The following ZC3H4 variants were observed in gnomAD, a reference collection of about 807,000 sequenced individuals.
ZC3H4 encodes zinc finger CCCH-type containing 4.
A neutral mutation model predicts 108.3 loss-of-function variants in ZC3H4; 13 were observed. That is an observed-to-expected ratio of 0.12 (90% CI 0.08 to 0.19). ZC3H4 has a LOEUF of 0.19. Ranked by LOEUF, ZC3H4 falls within the 10% of genes least tolerant of loss-of-function variation. ZC3H4 has a pLI of 1.00. For synonymous variants in ZC3H4, 917 were observed against 749.6 expected (o/e 1.22, Z -3.65); for missense variants, 1,734 against 1,838.8 (o/e 0.94, Z 1.04).
rs1002558330 is a variant in ZC3H4 at position 47,066,229 on chromosome 19, CAAAAGAAAAAG to C, written c.*116_*126del. ...AAAAAAAAATAAAAGAGACGGAAAG[CAAAAGAAAAAG>C]AAAAGAAAAAAGGAACACCCAGCCT... On this transcript the variant is annotated 3_prime_UTR_variant, in exon 15 of 15. Coordinates refer to ENST00000253048, the MANE Select transcript of ZC3H4 (RefSeq NM_015168.2). 1 of 698,636 alleles carries C rather than the reference CAAAAGAAAAAG, an allele frequency of 1.4e-6. No individual in the cohort carries two copies. The highest frequency in any genetic ancestry group is 2.2e-6 in the Non-Finnish European group (1 of 458,248). The allele number at this position is 698,636 out of a possible 1,614,324, so 43.3% of individuals were successfully genotyped here. A position where few individuals can be genotyped will look rare whatever the true frequency, so the allele number is the denominator to read the frequency against.
chr19:47,081,589 C>G lies in ZC3H4; in HGVS notation c.1364G>C (p.Gly455Ala), dbSNP rs771984024. The G allele has an allele frequency of 6.2e-7, 1 of 1,614,090 alleles. No individual in the cohort carries two copies. Among genetic ancestry groups the G allele is most frequent in the Non-Finnish European group, 8.5e-7 (1 of 1,180,044 alleles). The change falls in exon 11 of 15, where the codon GGG (glycine) becomes GCG (alanine). Residue 455 changes from glycine to alanine, a missense_variant. Around this residue, in one of 9 missense-constraint regions of ZC3H4, gnomAD observed 66 missense variants for 166.8 expected, o/e 0.40. Transcript: ENST00000253048. ...GCAGTCGTCACCATTGATGCAGTTC[C>G]CAGTGGTGTGGTACAGCTTACACGG... Reference protein sequence around the residue: ...DFPCKLYHTTGNCINGDDCMF... With the variant: ...DFPCKLYHTTANCINGDDCMF...
intron 4 of ZC3H4, 104 bp from the exon 5 acceptor site, chr19:47,090,293 G>A (rs1600076571): frequency 1.6e-6 from 2 of 1,251,666 alleles, no homozygotes; most frequent in East Asian, 4.9e-5. Flanking sequence ...CTGTCTGGGT[G>A]TCACTACTGT....
chr19:47,073,710 C>T (rs2057369019), intron 11 of ZC3H4, among the ~76,000 whole-genome samples: 1 of 152,218 alleles, frequency 6.6e-6, no homozygotes, highest in Non-Finnish European at 1.5e-5. Flanking sequence ...AGCAATCGCT[C>T]CCCACCCTCT....
At chr19:47,107,529 G>A (rs996429153) in intron 2 of ZC3H4, among the ~76,000 whole-genome samples, 4 of 152,010 alleles carry the variant, frequency 2.6e-5, no homozygotes, top group Non-Finnish European at 5.9e-5. Flanking sequence ...GACAAACAGG[G>A]CACTGAGTCA....
chr19:47,109,490 A>G (rs2058009315), intron 2 of ZC3H4, among the ~76,000 whole-genome samples: 1 of 152,196 alleles, frequency 6.6e-6, no homozygotes, highest in African/African-American at 2.4e-5. Context: ...AGAATTTTAC[A>G]AAGGATGGGA....
rs761077067 is a variant in ZC3H4 at position 47,082,185 on chromosome 19, G to A, written c.1329C>T (p.His443=). ...CARAENCPYM[H]GDFPCKLYHT... Reference sequence around the variant, plus strand: ...CCAGATGCTGGCACTAAAGGATATCGTGCATATAAGGGCAGTTCTCAGCTC... The same window carrying A: ...CCAGATGCTGGCACTAAAGGATATCATGCATATAAGGGCAGTTCTCAGCTC... Residue 443 remains histidine, a splice_region_variant and synonymous_variant, in exon 10 of 15, where the codon CAC becomes CAT. Coordinates refer to ENST00000253048, the MANE Select transcript of ZC3H4 (RefSeq NM_015168.2). 29 of 1,612,814 alleles carry A rather than the reference G, an allele frequency of 1.8e-5. No homozygotes were observed. Among genetic ancestry groups the A allele is most frequent in the South Asian group, 6.6e-5 (6 of 91,048 alleles).
intron 4 of ZC3H4, 94 bp downstream of exon 4, chr19:47,093,876 C>A: frequency 8.9e-7 from 1 of 1,124,778 alleles, no homozygotes; most frequent in Non-Finnish European, 1.3e-6. Flanking sequence ...CTGAAACTCA[C>A]AAAAAATGCC....
At chr19:47,078,960 A>G (rs935526103) in intron 11 of ZC3H4, among the ~76,000 whole-genome samples, 1 of 146,616 alleles carries the variant, frequency 6.8e-6, no homozygotes, top group African/African-American at 2.5e-5. Flanking sequence ...CCAGAAGGCG[A>G]AGGTTGCGGT....
rs766356116 is a variant in ZC3H4 at position 47,066,643 on chromosome 19, C to T, written c.3625G>A (p.Gly1209Ser). The change falls in exon 15 of 15, where the codon GGC (glycine) becomes AGC (serine). Residue 1209 changes from glycine to serine, a missense_variant. Gly to Ser is a moderately conservative substitution (Grantham distance 56, BLOSUM62 0). This residue lies in a region of ZC3H4 where 518 missense variants were observed against 499.6 expected (regional missense o/e 1.04). Transcript: ENST00000253048. ...CTGTTGTATCTGTCCGTGGGGGTGC[C>T]CCCATCAGCACCGGCCTTCCCTGTC... ...PETGKAGADGGTPTDRYNSYN... is the reference protein window; with the variant it reads ...PETGKAGADGSTPTDRYNSYN... 1.1e-5 allele frequency: 17 copies of T among 1,611,846 alleles called. No individual in the cohort carries two copies. The highest frequency in any genetic ancestry group is 1.3e-5 in the Non-Finnish European group (15 of 1,179,668).
chr19:47,064,557 T>G lies in ZC3H4; in HGVS notation c.*1799A>C, dbSNP rs2057169826. 1 of 152,396 alleles carries G rather than the reference T, an allele frequency of 6.6e-6. No individual in the cohort carries two copies. The highest frequency in any genetic ancestry group is 1.5e-5 in the Non-Finnish European group (1 of 68,016). 9.4% of individuals were successfully genotyped at this position (152,396 alleles called of 1,614,324 possible). ...CACAGATTTCGGTTTAAAAAATATT[T>G]TTCTTTTACAAAAGAAAATTCTCAA... On this transcript the variant is annotated 3_prime_UTR_variant, in exon 15 of 15. Coordinates refer to ENST00000253048, the MANE Select transcript of ZC3H4 (RefSeq NM_015168.2).
At chr19:47,095,619 G>A (rs1347102508) in intron 2 of ZC3H4, among the ~76,000 whole-genome samples, 2 of 152,128 alleles carry the variant, frequency 1.3e-5, no homozygotes, top group Non-Finnish European at 2.9e-5. Flanking sequence ...TGGACATTCT[G>A]CATATGTAAA....
Position 47,067,648 on chromosome 19 carries a change from C to A in ZC3H4, c.2620G>T (p.Val874Leu). 6.2e-7 allele frequency: 1 copy of A among 1,604,020 alleles called. No individual in the cohort carries two copies. The highest frequency in any genetic ancestry group is 8.5e-7 in the Non-Finnish European group (1 of 1,177,182). Residue 874 changes from valine to leucine, a missense_variant, in exon 15 of 15, where the codon GTG becomes TTG. By Grantham distance (32) the Val-to-Leu change is conservative. Around this residue, in one of 9 missense-constraint regions of ZC3H4, gnomAD observed 540 missense variants for 484.1 expected, o/e 1.12. Transcript: ENST00000253048. The surrounding 1 kb of genome is among the most constrained non-coding windows in gnomAD (Gnocchi z 6.4). ...LSRDPRLTRH[V>L]EASGGSGPGD... is the part of the protein sequence containing the mutation. ...GGGCCAGACCCGCCAGAAGCCTCCA[C>A]ATGGCGGGTGAGTCTGGGGTCCCGG...
chr19:47,075,618 A>G (rs2057405894), intron 11 of ZC3H4, among the ~76,000 whole-genome samples: 1 of 151,930 alleles, frequency 6.6e-6, no homozygotes, highest in African/African-American at 2.4e-5. Context: ...GCGCACACAC[A>G]CATACACACA....
chr19:47,104,843 T>C (rs1022195845), intron 2 of ZC3H4, among the ~76,000 whole-genome samples: 34 of 152,352 alleles, frequency 2.2e-4, no homozygotes, highest in African/African-American at 7.9e-4. Context: ...CCAAGCCACC[T>C]GCAACAGACT....
chr19:47,100,331 T>C (rs2057886686), intron 2 of ZC3H4, among the ~76,000 whole-genome samples: 1 of 152,144 alleles, frequency 6.6e-6, no homozygotes, highest in Non-Finnish European at 1.5e-5. Flanking sequence ...ACTACCTAGG[T>C]TCATCAACCA....
At chr19:47,094,118 C>A (rs1299329837) in intron 3 of ZC3H4, 38 bp from the exon 4 acceptor site, 1 of 1,588,774 alleles carries the variant, frequency 6.3e-7, no homozygotes, top group Non-Finnish European at 8.6e-7. Flanking sequence ...CAACCTGCCA[C>A]AGGCAGGCCA....
chr19:47,064,911 G>A lies in ZC3H4; in HGVS notation c.*1445C>T, dbSNP rs1197839015. ...CACCCCACCCTGAGGAGGAGGGAAGGGGAATCCCTTGGCAGGTAACTAGGT... is the reference window on the plus strand; with the variant it reads ...CACCCCACCCTGAGGAGGAGGGAAGAGGAATCCCTTGGCAGGTAACTAGGT... On this transcript the variant is annotated 3_prime_UTR_variant, in exon 15 of 15. Coordinates refer to ENST00000253048, the MANE Select transcript of ZC3H4 (RefSeq NM_015168.2). The A allele has an allele frequency of 6.6e-6, 1 of 152,096 alleles. No homozygotes were observed. The highest frequency in any genetic ancestry group is 2.4e-5 in the African/African-American group (1 of 41,396). The allele number at this position is 152,096 out of a possible 1,614,324, so 9.4% of individuals were successfully genotyped here.
At position 47,081,565 on chromosome 19, in the gene ZC3H4, C is replaced by T; in HGVS notation, c.1388G>A (p.Cys463Tyr). Residue 463 changes from cysteine (C) to tyrosine (Y), a missense_variant, in exon 11 of 15, where the codon TGC becomes TAC. Physicochemically the swap from Cys to Tyr is radical, Grantham distance 194 (BLOSUM62 -2). Around this residue, in one of 9 missense-constraint regions of ZC3H4, gnomAD observed 66 missense variants for 166.8 expected, o/e 0.40. Transcript: ENST00000253048. ...TTGNCINGDDCMFSHDPLTEE... is the reference protein window; with the variant it reads ...TTGNCINGDDYMFSHDPLTEE... Reference sequence around the variant, plus strand: ...GGTCAGAGGGTCGTGGGAAAACATGCAGTCGTCACCATTGATGCAGTTCCC... The same window carrying T: ...GGTCAGAGGGTCGTGGGAAAACATGTAGTCGTCACCATTGATGCAGTTCCC... The T allele has an allele frequency of 6.2e-7, 1 of 1,614,218 alleles. No homozygotes were observed. The highest frequency in any genetic ancestry group is 2.2e-5 in the East Asian group (1 of 44,886).
chr19:47,112,951 G>T (rs1600126833), intron 1 of ZC3H4, among the ~76,000 whole-genome samples: 2 of 152,196 alleles, frequency 1.3e-5, no homozygotes, highest in Admixed American at 6.5e-5. Flanking sequence ...GAAGGGTAAG[G>T]GGAGAAGAGG....
Sources: gnomAD v4.1 joint callset for allele counts (sites outside exome capture counted in the v4.1 genomes callset) on GRCh38, gnomAD v4.1.1 for gene constraint, gnomAD v4.1.1 regional missense constraint, Gnocchi (gnomAD v3.1) non-coding constraint, MANE v1.5 for transcripts, NCBI Gene and HGNC (gene_info 2026-07-23, HGNC 2026-07-21) for gene names.